Variants in MICALL1 observed in about 807,000 individuals in gnomAD.
MICALL1 encodes the protein MICAL-like protein 1.
A neutral mutation model predicts 83.7 loss-of-function variants in MICALL1; 61 were observed. The ratio of observed to expected loss-of-function variants is 0.73; its 90% CI spans 0.59 to 0.90. The LOEUF (loss-of-function observed/expected upper bound fraction) is 0.90, where lower values mean the gene tolerates loss of function less well. MICALL1 is among the 40% of genes least tolerant of loss of function. The pLI is 0.00. For missense variants in MICALL1, 1,066 were observed against 1,152.0 expected (o/e 0.93, Z 1.08); for synonymous variants, 481 against 473.6 (o/e 1.02, Z -0.20).
At chr22:37,940,146 C>T (rs548107591) in intron 15 of MICALL1, among the ~76,000 whole-genome samples, 15 of 151,724 alleles carry the variant, frequency 9.9e-5, no homozygotes, top group South Asian at 6.2e-4. Flanking sequence ...GATTCTAGGC[C>T]GAGTGTGGTG....
Position 37,914,227 on chromosome 22 carries a change from CTTTCT to C in MICALL1, c.337+1739_337+1743del, listed in dbSNP as rs1928523946. Among the ~76,000 whole-genome samples the C allele has an allele frequency of 1.6e-5, 2 of 124,490 alleles. 1 individual carries two copies. Among genetic ancestry groups the C allele is most frequent in the South Asian group, 5.0e-4 (2 of 4,012 alleles). 81.7% of individuals were successfully genotyped at this position (124,490 alleles called of 152,430 possible). On this transcript the variant is annotated intron_variant, in intron 3 of 15. Coordinates refer to ENST00000215957, the MANE Select transcript of MICALL1 (RefSeq NM_033386.4). The stretch of plus-strand genomic sequence containing the variant: ...TGAAGTCAGAGGTTTCTTTTCTTTT[CTTTCT>C]TTTTTTTTTTTGAAATGGAGTTTCA...
intron 14 of MICALL1, 36 bp from the exon 15 acceptor site, chr22:37,937,710 C>T (rs749029994): frequency 6.2e-7 from 1 of 1,609,390 alleles, no homozygotes; most frequent in Non-Finnish European, 8.5e-7. Flanking sequence ...AGGTGTGAGC[C>T]ACCACGCCCA....
chr22:37,926,667 CT>C (rs1350010579), intron 8 of MICALL1: 1 of 153,024 alleles, frequency 6.5e-6, no homozygotes, highest in Non-Finnish European at 1.5e-5. Context: ...GTTTTTGGCC[CT>C]AACCTTCACC....
chr22:37,919,020 A>G lies in MICALL1; in HGVS notation c.427-16A>G. 1 of 1,538,362 alleles carries G rather than the reference A, an allele frequency of 6.5e-7. No individual in the cohort carries two copies. The highest frequency in any genetic ancestry group is 8.8e-7 in the Non-Finnish European group (1 of 1,137,938). ...CCATGTCCTGCTCCCAACCTCCCCC[A>G]CCTCGTTCTCTGCAGGGCGAGGAGC... On this transcript the variant is annotated splice_polypyrimidine_tract_variant and intron_variant, in intron 4 of 15. Transcript: ENST00000215957.
At chr22:37,909,113 C>T (rs1385504288) in intron 1 of MICALL1, among the ~76,000 whole-genome samples, 3 of 152,082 alleles carry the variant, frequency 2.0e-5, no homozygotes, top group Non-Finnish European at 2.9e-5. Context: ...AGTGCAGTGG[C>T]GTGATCTCGG....
chr22:37,933,129 G>T lies in MICALL1; in HGVS notation c.2308+17G>T. 1.2e-6 allele frequency: 2 copies of T among 1,612,818 alleles called. No individual in the cohort carries two copies. Among genetic ancestry groups the T allele is most frequent in the Non-Finnish European group, 1.7e-6 (2 of 1,179,578 alleles). ...ATAAGCCAGGTGAGTGCAGCCACTG[G>T]CACTCCCCTGGCACCTGCCCTGGGG... On this transcript the variant is annotated intron_variant, in intron 13 of 15. Transcript: ENST00000215957.
rs568321533 is a variant in MICALL1, at chr22:37,928,042, T to G, written c.1881+216T>G. ...CCTGCCTGAGCCCCCAAGTAGCTGGTACTACAGGCGCCCACCACCACGCCC... is the reference window on the plus strand; with the variant it reads ...CCTGCCTGAGCCCCCAAGTAGCTGGGACTACAGGCGCCCACCACCACGCCC... On this transcript the variant is annotated intron_variant, in intron 9 of 15. Coordinates refer to ENST00000215957, the MANE Select transcript of MICALL1 (RefSeq NM_033386.4). Among the ~76,000 whole-genome samples the G allele has an allele frequency of 2.8e-4, 42 of 151,416 alleles. No homozygotes were observed. The South Asian group carries it at 5.8e-3, about 21-fold the overall frequency.
intron 15 of MICALL1, among the ~76,000 whole-genome samples, chr22:37,939,633 G>T (rs555733653): frequency 1.3e-5 from 2 of 152,074 alleles, no homozygotes; most frequent in Non-Finnish European, 2.9e-5. Flanking sequence ...AATTAGCCGC[G>T]CATGGCAGCG....
chr22:37,916,322 T>G (rs1466644722), intron 3 of MICALL1, among the ~76,000 whole-genome samples: 2 of 152,224 alleles, frequency 1.3e-5, no homozygotes, highest in African/African-American at 4.8e-5. Context: ...TCATACCTTC[T>G]CTAATAAATC....
At chr22:37,929,755 C>T (rs1222562420) in intron 9 of MICALL1, among the ~76,000 whole-genome samples, 9 of 152,218 alleles carry the variant, frequency 5.9e-5, no homozygotes, top group African/African-American at 1.9e-4. Context: ...GCAGCCACAG[C>T]GCCTTTGGAT....
chr22:37,936,630 C>T (rs945835533), intron 13 of MICALL1, among the ~76,000 whole-genome samples: 1 of 152,158 alleles, frequency 6.6e-6, no homozygotes, highest in African/African-American at 2.4e-5. Context: ...CGGTGGCTCA[C>T]GCCTGTAATC....
chr22:37,914,670 CTG>C (rs1374841136), intron 3 of MICALL1, among the ~76,000 whole-genome samples: 1 of 151,840 alleles, frequency 6.6e-6, no homozygotes, highest in East Asian at 1.9e-4. Flanking sequence ...GGGTTTTACT[CTG>C]TTGTGTTGCC....
chr22:37,914,378 C>G (rs1167634490), intron 3 of MICALL1, among the ~76,000 whole-genome samples: 1 of 151,400 alleles, frequency 6.6e-6, no homozygotes, highest in Non-Finnish European at 1.5e-5. Flanking sequence ...AGGCACCCGC[C>G]ACCACACCCG....
rs1929396653 is a variant in MICALL1 at position 37,925,847 on chromosome 22, C to T, written c.1269C>T (p.Pro423=). The change falls in exon 8 of 16, where the codon CCC becomes CCT. Residue 423 remains proline (P), a synonymous_variant. Transcript: ENST00000215957. ...CAACGGCCAGCCTGGAGTCCAAACC[C>T]TATAACCCCTTTGAGGAGGAGGAGG... ...PSPTASLESK[P]YNPFEEEEED... is the part of the protein sequence containing the mutation. 9 of 1,613,828 alleles carry T rather than the reference C, an allele frequency of 5.6e-6. No individual in the cohort carries two copies. In the East Asian group the frequency reaches 2.0e-4, roughly 36 times the overall value.
In MICALL1 at chr22:37,937,195, G is replaced by A. The variant is rs1410796150; in HGVS notation, c.2423+1G>A. The A allele has an allele frequency of 6.5e-7, 1 of 1,550,138 alleles. No homozygotes were observed. Among genetic ancestry groups the A allele is most frequent in the South Asian group, 1.2e-5 (1 of 84,020 alleles). On this transcript the variant is annotated splice_donor_variant, in intron 14 of 15. Coordinates refer to ENST00000215957, the MANE Select transcript of MICALL1 (RefSeq NM_033386.4). LOFTEE classifies it high-confidence loss of function. ...ACTGCCTGGATGAGGACCGGCAGAG[G>A]TGACATGGCCAGGGGTGGGGGGTCC... is the stretch of plus-strand genomic sequence containing the variant.
chr22:37,935,342 G>A (rs927577256), intron 13 of MICALL1, among the ~76,000 whole-genome samples: 19 of 150,446 alleles, frequency 1.3e-4, no homozygotes, highest in African/African-American at 4.4e-4. Context: ...CTTACTGCAC[G>A]CTCCGCCTCC....
chr22:37,921,773 TTGG>T (rs1327688857), intron 5 of MICALL1, among the ~76,000 whole-genome samples, 196 bp from the exon 6 acceptor site: 2 of 152,158 alleles, frequency 1.3e-5, no homozygotes, highest in Non-Finnish European at 2.9e-5. Flanking sequence ...TTCGTGTGAT[TTGG>T]TGATTTTATT....
In MICALL1 at chr22:37,906,426, G is replaced by T; in HGVS notation, c.4G>T (p.Ala2Ser). The T allele has an allele frequency of 8.7e-7, 1 of 1,146,022 alleles. No individual in the cohort carries two copies. The highest frequency in any genetic ancestry group is 1.1e-6 in the Non-Finnish European group (1 of 932,988). The allele number at this position is 1,146,022 out of a possible 1,614,324, so 71.0% of individuals were successfully genotyped here. ...GAGCCGGGCGGGCCGCGGGGTCATG[G>T]CTGGGCCGCGGGGCGCGCTGCTGGC... M[A>S]GPRGALLAWC... The change falls in exon 1 of 16, where the codon GCT (alanine) becomes TCT (serine). Residue 2 changes from alanine to serine, a missense_variant. Physicochemically the swap from Ala to Ser is moderately conservative, Grantham distance 99 (BLOSUM62 1). Coordinates refer to ENST00000215957, the MANE Select transcript of MICALL1 (RefSeq NM_033386.4). The surrounding 1 kb of genome is among the most constrained non-coding windows in gnomAD (Gnocchi z 4.4).
At position 37,919,058 on chromosome 22, in the gene MICALL1, G is replaced by A. The variant is rs1242198246; in HGVS notation, c.449G>A (p.Ser150Asn). 6.4e-7 allele frequency: 1 copy of A among 1,551,870 alleles called. No homozygotes were observed. Among genetic ancestry groups the A allele is most frequent in the Non-Finnish European group, 8.7e-7 (1 of 1,147,386 alleles). The change falls in exon 5 of 16, where the codon AGC becomes AAC. Residue 150 changes from serine (S) to asparagine (N), a missense_variant. Physicochemically the swap from Ser to Asn is conservative, Grantham distance 46 (BLOSUM62 1). Coordinates refer to ENST00000215957, the MANE Select transcript of MICALL1 (RefSeq NM_033386.4). Reference protein sequence around the residue: ...VAQGEELSSGSLSEQGTGQTP... With the variant: ...VAQGEELSSGNLSEQGTGQTP... ...CAGGGCGAGGAGCTCTCCTCAGGCA[G>A]CCTGTCAGAGCAGGGCACCGGCCAG...
Sources: gnomAD v4.1 joint callset for allele counts (sites outside exome capture counted in the v4.1 genomes callset) on GRCh38, gnomAD v4.1.1 for gene constraint, Gnocchi (gnomAD v3.1) non-coding constraint, MANE v1.5 for transcripts, NCBI Gene and HGNC (gene_info 2026-07-23, HGNC 2026-07-21) for gene names.